The following EML1 variants were observed in gnomAD, a reference collection of about 807,000 sequenced individuals.
EML1 encodes the protein EMAP like 1, also known as echinoderm microtubule-associated protein-like 1.
Under a neutral mutation model 110.4 loss-of-function variants are expected in EML1, and 27 were observed. That is an observed-to-expected ratio of 0.24 (90% CI 0.18 to 0.34). The LOEUF is 0.34. Ranked by LOEUF, EML1 falls within the 10% of genes least tolerant of loss-of-function variation. EML1 has a pLI of 1.00. For synonymous variants in EML1, 344 were observed against 385.8 expected (o/e 0.89, Z 1.27); for missense variants, 741 against 1,030.9 (o/e 0.72, Z 3.85).
chr14:99,774,288 G>A (rs188962160), intron 1 of EML1, among the ~76,000 whole-genome samples: 17 of 152,288 alleles, frequency 1.1e-4, no homozygotes, highest in East Asian at 9.7e-4. Flanking sequence ...CAGTGACAGC[G>A]TGGCCTTGTG....
chr14:99,812,458 G>A (rs1258604926), intron 1 of EML1, among the ~76,000 whole-genome samples: 1 of 151,880 alleles, frequency 6.6e-6, no homozygotes, highest in Non-Finnish European at 1.5e-5. Flanking sequence ...GGCTGACATA[G>A]TGGTACACAG....
At chr14:99,803,793 A>C (rs1275378909) in intron 1 of EML1, among the ~76,000 whole-genome samples, 1 of 152,260 alleles carries the variant, frequency 6.6e-6, no homozygotes, top group Non-Finnish European at 1.5e-5. Flanking sequence ...TACCATTCTT[A>C]GAAAAATATG....
At chr14:99,751,461 TTCCCG>T (rs2057174277) in intron 1 of EML1, among the ~76,000 whole-genome samples, 1 of 152,156 alleles carries the variant, frequency 6.6e-6, no homozygotes, top group South Asian at 2.1e-4. Flanking sequence ...GACAGTATGA[TTCCCG>T]TCCTTGGGGG....
intron 16 of EML1, among the ~76,000 whole-genome samples, chr14:99,919,425 GACACACACACACACAC>G (rs376238109): frequency 1.0e-5 from 1 of 97,470 alleles, no homozygotes; most frequent in Non-Finnish European, 2.4e-5. Context: ...CATGCACACA[GACACACACACACACAC>G]ACACACACAC....
chr14:99,841,204 G>A (rs1032702661), intron 1 of EML1, among the ~76,000 whole-genome samples: 1 of 152,182 alleles, frequency 6.6e-6, no homozygotes, highest in African/African-American at 2.4e-5. Context: ...CCTCAACTTG[G>A]CCAGAGGTGC....
intron 5 of EML1, 60 bp downstream of exon 5, chr14:99,891,287 A>T: frequency 6.2e-7 from 1 of 1,608,736 alleles, no homozygotes; most frequent in Non-Finnish European, 8.5e-7. Flanking sequence ...AACTCAAGGG[A>T]CAGAAAAGAA....
rs80166641 is a variant in EML1, at chr14:99,880,669, G to T, written c.518+2050G>T. Among the ~76,000 whole-genome samples the T allele has an allele frequency of 4.0e-3, 613 of 152,314 alleles. 4 individuals are homozygous for T. Among genetic ancestry groups the T allele is most frequent in the African/African-American group, 0.014 (581 of 41,556 alleles). On this transcript the variant is annotated intron_variant, in intron 4 of 21. Coordinates refer to ENST00000262233, the MANE Select transcript of EML1 (RefSeq NM_004434.3). ...TGATTTAAAAAATTGCCCTTGTTGG[G>T]TTCCTGTAGGCAGCAAGACATGGTG...
At chr14:99,803,094 T>G (rs1260323228) in intron 1 of EML1, among the ~76,000 whole-genome samples, 1 of 152,176 alleles carries the variant, frequency 6.6e-6, no homozygotes, top group African/African-American at 2.4e-5. Flanking sequence ...TAAGCTCCTC[T>G]GGGCAGACTT....
At position 99,739,135 on chromosome 14, in the gene EML1, T is replaced by A. The variant is rs1342393406; in HGVS notation, c.28+1275T>A. On this transcript the variant is annotated intron_variant, in intron 1 of 10. Transcript: ENST00000554479. ...GAGAGAGAGAGTGTGTGTGTGTGTGTGTGTGTGTGTGTGTGTGTGTTGGGG... is the reference window on the plus strand; with the variant it reads ...GAGAGAGAGAGTGTGTGTGTGTGTGAGTGTGTGTGTGTGTGTGTGTTGGGG... Among the ~76,000 whole-genome samples the A allele has an allele frequency of 8.0e-5, 12 of 149,542 alleles. 1 individual carries two copies. In the East Asian group the frequency reaches 9.9e-4, roughly 12 times the overall value.
intron 1 of EML1, among the ~76,000 whole-genome samples, chr14:99,759,465 G>A (rs1455329401): frequency 6.6e-6 from 1 of 152,246 alleles, no homozygotes; most frequent in African/African-American, 2.4e-5. Context: ...CCCCGGGCCG[G>A]GAGGTCCCCT....
At chr14:99,824,663 A>G (rs141821356) in intron 1 of EML1, among the ~76,000 whole-genome samples, 66 of 152,122 alleles carry the variant, frequency 4.3e-4, no homozygotes, top group African/African-American at 1.4e-3. Context: ...CATATTGCAT[A>G]ATGGTGAGGT....
chr14:99,861,227 A>T (rs2058997895), intron 2 of EML1, among the ~76,000 whole-genome samples: 1 of 152,216 alleles, frequency 6.6e-6, no homozygotes, highest in South Asian at 2.1e-4. Context: ...AGGATCCTGC[A>T]GTCAGTGGAG....
chr14:99,911,755 A>G (rs1169167918), intron 13 of EML1, among the ~76,000 whole-genome samples, 179 bp downstream of exon 13: 1 of 152,206 alleles, frequency 6.6e-6, no homozygotes, highest in Non-Finnish European at 1.5e-5. Flanking sequence ...ATAAAATAGA[A>G]TTAGGTTTAT....
chr14:99,810,545 T>C (rs1566876741), intron 1 of EML1, among the ~76,000 whole-genome samples: 1 of 152,206 alleles, frequency 6.6e-6, no homozygotes, highest in East Asian at 1.9e-4. Context: ...TGGCTTTTCC[T>C]GTTCTGCGGC....
intron 9 of EML1, among the ~76,000 whole-genome samples, 176 bp downstream of exon 9, chr14:99,901,215 C>T (rs1566927718): frequency 2.6e-5 from 4 of 152,336 alleles, no homozygotes; most frequent in South Asian, 4.1e-4. Context: ...ATGCATGTCT[C>T]ATCAGGGACA....
At chr14:99,808,065 T>C (rs988849005) in intron 1 of EML1, among the ~76,000 whole-genome samples, 2 of 152,170 alleles carry the variant, frequency 1.3e-5, no homozygotes, top group Non-Finnish European at 2.9e-5. Context: ...TCTTCCCTCA[T>C]CTGTCCCGGA....
chr14:99,910,237 T>C lies in EML1; in HGVS notation c.1240-5T>C. On this transcript the variant is annotated splice_polypyrimidine_tract_variant and splice_region_variant and intron_variant, in intron 11 of 21. Transcript: ENST00000262233. ...TATATATAATTTTTTTACTACATTC[T>C]ACAGAAACAAGAAAAGCCAAAGTTT... is the stretch of plus-strand genomic sequence containing the variant. The C allele has an allele frequency of 6.2e-7, 1 of 1,603,352 alleles. No homozygotes were observed. The highest frequency in any genetic ancestry group is 8.5e-7 in the Non-Finnish European group (1 of 1,174,638).
rs552399814 is a variant in EML1, at chr14:99,786,664, C to T, written c.-27+12651C>T. ...TCAAGTGCACGGCACGTCTGAGAGTCGCGAAGAGGAGCTTTCGGATAGCAC... is the reference window on the plus strand; with the variant it reads ...TCAAGTGCACGGCACGTCTGAGAGTTGCGAAGAGGAGCTTTCGGATAGCAC... On this transcript the variant is annotated intron_variant, in intron 1 of 22. Coordinates refer to the EML1 transcript ENST00000327921. Among the ~76,000 whole-genome samples the T allele has an allele frequency of 2.0e-5, 3 of 152,294 alleles. No homozygotes were observed. In the East Asian group the frequency reaches 5.8e-4, roughly 29 times the overall value.
At chr14:99,838,493 T>C (rs1351933828) in intron 1 of EML1, among the ~76,000 whole-genome samples, 2 of 152,226 alleles carry the variant, frequency 1.3e-5, no homozygotes, top group Admixed American at 1.3e-4. Context: ...GTTTTAGATC[T>C]TTTTCAAGTT....
Sources: allele counts gnomAD v4.1 joint callset (sites outside exome capture counted in the v4.1 genomes callset), GRCh38; gene constraint gnomAD v4.1.1; transcripts MANE v1.5; gene names NCBI Gene and HGNC (gene_info 2026-07-23, HGNC 2026-07-21).